The following SHANK2 variants were observed in gnomAD, a reference collection of about 807,000 sequenced individuals.
SHANK2 encodes the protein SH3 and multiple ankyrin repeat domains 2, also known as SH3 and multiple ankyrin repeat domains protein 2.
SHANK2 carries 43 observed loss-of-function variants against 133.7 expected under a neutral mutation model. The observed-to-expected ratio is 0.32, with a 90% CI of 0.25 to 0.41. The LOEUF (loss-of-function observed/expected upper bound fraction) is 0.41, where lower values mean the gene tolerates loss of function less well. SHANK2 is among the 10% of genes least tolerant of loss of function. SHANK2 has a pLI of 1.00. For synonymous variants in SHANK2, 1,017 were observed against 952.8 expected, an observed-to-expected ratio of 1.07 and a Z score of -1.24; for missense variants, 1,994 against 2,235.8, an observed-to-expected ratio of 0.89 and a Z score of 2.18.
intron 2 of SHANK2, among the ~76,000 whole-genome samples, chr11:71,180,483 T>A (rs1412530650): frequency 6.6e-6 from 1 of 152,080 alleles, no homozygotes; most frequent in African/African-American, 2.4e-5. Flanking sequence ...CGAAGTTCCT[T>A]ACCCTGTGCC....
chr11:71,120,608 G>C (rs549124812), intron 3 of SHANK2, among the ~76,000 whole-genome samples: 1 of 152,306 alleles, frequency 6.6e-6, no homozygotes, highest in South Asian at 2.1e-4. Context: ...CAAAGGCTGA[G>C]CTCACGTGTG....
chr11:70,769,146 T>C (rs1947190029), intron 14 of SHANK2, among the ~76,000 whole-genome samples: 1 of 151,836 alleles, frequency 6.6e-6, no homozygotes, highest in Admixed American at 6.6e-5. Flanking sequence ...GGTGAATGAA[T>C]GGGTGGGTGG....
chr11:71,082,882 A>T (rs1951319006), intron 8 of SHANK2, among the ~76,000 whole-genome samples: 1 of 151,992 alleles, frequency 6.6e-6, no homozygotes, highest in South Asian at 2.1e-4. Flanking sequence ...AAATCAAACG[A>T]GGGGCTGGGA....
intron 13 of SHANK2, among the ~76,000 whole-genome samples, chr11:70,802,549 T>C (rs1948069063): frequency 6.6e-6 from 1 of 152,240 alleles, no homozygotes; most frequent in African/African-American, 2.4e-5. Context: ...GTTTCTAATG[T>C]ACCTCTAGGC....
chr11:71,123,074 A>G (rs1477993711), intron 3 of SHANK2, among the ~76,000 whole-genome samples: 2 of 152,108 alleles, frequency 1.3e-5, no homozygotes, highest in Non-Finnish European at 2.9e-5. Flanking sequence ...TCCATACGTG[A>G]TGGGAGCCAC....
chr11:70,863,696 C>T, intron 11 of SHANK2: 1 of 421,834 alleles, frequency 2.4e-6, no homozygotes, highest in African/African-American at 2.0e-5. Context: ...GGCACTGGCA[C>T]CCCGTTTCGG....
intron 11 of SHANK2, among the ~76,000 whole-genome samples, chr11:70,873,987 A>G (rs1298889210): frequency 2.0e-5 from 3 of 152,182 alleles, no homozygotes; most frequent in Non-Finnish European, 4.4e-5. Flanking sequence ...TCCCAATGCA[A>G]AGTACATTTT....
At chr11:70,761,296 C>A (rs1946991247) in intron 14 of SHANK2, among the ~76,000 whole-genome samples, 1 of 152,146 alleles carries the variant, frequency 6.6e-6, no homozygotes, top group Non-Finnish European at 1.5e-5. Flanking sequence ...CAGTCTTTTT[C>A]TCCCTTGGCC....
intron 17 of SHANK2, among the ~76,000 whole-genome samples, chr11:70,547,435 G>GT (rs2059709701): frequency 1.3e-5 from 2 of 151,896 alleles, no homozygotes; most frequent in Non-Finnish European, 2.9e-5. Flanking sequence ...TAATTTTTGT[G>GT]TTTTTAGTAG....
intron 10 of SHANK2, among the ~76,000 whole-genome samples, chr11:70,902,949 A>C (rs1267304287): frequency 6.6e-6 from 1 of 152,172 alleles, no homozygotes; most frequent in African/African-American, 2.4e-5. Flanking sequence ...AAGGCAGTGC[A>C]TCTCTCCAGG....
chr11:70,634,451 G>A (rs992932598), intron 17 of SHANK2: 14 of 152,192 alleles, frequency 9.2e-5, no homozygotes, highest in African/African-American at 3.4e-4. Flanking sequence ...AGAGCAAAAA[G>A]GCAGCTAAAG....
At chr11:70,787,188 C>T (rs1327079316) in intron 14 of SHANK2, among the ~76,000 whole-genome samples, 2 of 147,878 alleles carry the variant, frequency 1.4e-5, no homozygotes, top group African/African-American at 2.5e-5. Context: ...ACCACCAACA[C>T]CAGCATCACC....
At chr11:70,546,666 G>A (rs1052213170) in intron 17 of SHANK2, among the ~76,000 whole-genome samples, 12 of 152,286 alleles carry the variant, frequency 7.9e-5, no homozygotes, top group Middle Eastern at 3.4e-3. Flanking sequence ...GTAGACCCCT[G>A]GTGGGCCTTG....
chr11:70,934,899 G>T (rs1950550476), intron 10 of SHANK2, among the ~76,000 whole-genome samples: 1 of 152,050 alleles, frequency 6.6e-6, no homozygotes, highest in African/African-American at 2.4e-5. Flanking sequence ...TTTTGCCGGG[G>T]ACCGCGATGC....
At chr11:71,127,985 A>C (rs1397125465) in intron 3 of SHANK2, among the ~76,000 whole-genome samples, 1 of 151,620 alleles carries the variant, frequency 6.6e-6, no homozygotes, top group Non-Finnish European at 1.5e-5. Flanking sequence ...CTGGAGCCCC[A>C]CTCTCCTTTC....
intron 1 of SHANK2, among the ~76,000 whole-genome samples, chr11:71,236,325 G>A (rs1954825910): frequency 6.6e-6 from 1 of 152,200 alleles, no homozygotes; most frequent in African/African-American, 2.4e-5. Context: ...AACCCAACAT[G>A]AGGGCGGGCG....
chr11:70,610,184 C>T (rs1279646487), intron 17 of SHANK2, among the ~76,000 whole-genome samples: 4 of 151,852 alleles, frequency 2.6e-5, no homozygotes, highest in Non-Finnish European at 5.9e-5. Flanking sequence ...GTTAAAATGG[C>T]ACATTTTACA....
intron 1 of SHANK2, among the ~76,000 whole-genome samples, chr11:71,234,123 G>A (rs532749240): frequency 2.1e-5 from 3 of 139,766 alleles, no homozygotes; most frequent in African/African-American, 5.4e-5. Flanking sequence ...CGAGGTAGGC[G>A]GATCATGAGG....
chr11:70,654,778 T>C (rs1273806711), intron 17 of SHANK2, among the ~76,000 whole-genome samples: 5 of 151,604 alleles, frequency 3.3e-5, no homozygotes, highest in Admixed American at 2.6e-4. Flanking sequence ...TTTTGTTTTT[T>C]TTTTTTTGAG....
Sources: gnomAD v4.1 joint callset for allele counts (sites outside exome capture counted in the v4.1 genomes callset) on GRCh38, gnomAD v4.1.1 for gene constraint, MANE v1.5 for transcripts, NCBI Gene and HGNC (gene_info 2026-07-23, HGNC 2026-07-21) for gene names.